Variants in SMARCC1 observed in about 807,000 individuals in gnomAD.
SMARCC1 encodes the protein SWI/SNF complex subunit SMARCC1.
Under a neutral mutation model 147.4 loss-of-function variants are expected in SMARCC1, and 43 were observed. The observed-to-expected ratio is 0.29, with a 90% confidence interval of 0.23 to 0.38. The LOEUF is 0.38. Among genes scored for constraint, SMARCC1 ranks in the 10% least tolerant of loss-of-function variants. SMARCC1 has a pLI of 1.00. For missense variants in SMARCC1, 1,119 were observed against 1,381.1 expected (o/e 0.81, Z 3.01); for synonymous variants, 495 against 484.4 (o/e 1.02, Z -0.29).
chr3:47,589,299 G>T (rs761370061), intron 27 of SMARCC1, among the ~76,000 whole-genome samples: 1 of 152,160 alleles, frequency 6.6e-6, no homozygotes, highest in Non-Finnish European at 1.5e-5. Flanking sequence ...AGGTGGGAAG[G>T]TTCCACCTGA....
At chr3:47,620,229 G>A (rs2032707188) in intron 25 of SMARCC1, among the ~76,000 whole-genome samples, 1 of 152,126 alleles carries the variant, frequency 6.6e-6, no homozygotes, top group South Asian at 2.1e-4. Context: ...TTGGGAGGCT[G>A]AGGCAGGCAG....
At chr3:47,640,777 A>G (rs564777444) in intron 21 of SMARCC1, among the ~76,000 whole-genome samples, 4 of 152,310 alleles carry the variant, frequency 2.6e-5, no homozygotes, top group Admixed American at 2.6e-4. Flanking sequence ...ACAACGGATA[A>G]GAAATATTAG....
chr3:47,764,623 A>G (rs1269426970), intron 2 of SMARCC1, among the ~76,000 whole-genome samples: 1 of 152,136 alleles, frequency 6.6e-6, no homozygotes, highest in African/African-American at 2.4e-5. Context: ...TCTCCAGCAC[A>G]GCAGCCCATA....
At chr3:47,772,338 C>T (rs116303584) in intron 2 of SMARCC1, among the ~76,000 whole-genome samples, 1,569 of 151,120 alleles carry the variant, frequency 0.01, 24 homozygotes, top group African/African-American at 0.036. Context: ...GGCTGCAGTG[C>T]GCTGTGATCA....
At chr3:47,714,091 C>A (rs751610225) in intron 8 of SMARCC1, among the ~76,000 whole-genome samples, 1 of 152,210 alleles carries the variant, frequency 6.6e-6, no homozygotes, top group East Asian at 1.9e-4. Flanking sequence ...TGGCCAGGCA[C>A]GATGGCTTAC....
chr3:47,698,419 T>C lies in SMARCC1; in HGVS notation c.1165+2859A>G, dbSNP rs78793812. 5.1e-3 allele frequency among the ~76,000 whole-genome samples: 779 copies of C among 152,186 alleles called. 2 individuals carry two copies. The highest frequency in any genetic ancestry group is 0.027 in the Middle Eastern group (8 of 294). ...AAAATGTCTGCTTTCTAAACCGCTA[T>C]TGAAAATTACAGTGGAGGTATAATA... On this transcript the variant is annotated intron_variant, in intron 11 of 27. Transcript: ENST00000254480.
At chr3:47,661,536 C>A in intron 20 of SMARCC1, 81 bp from the exon 21 acceptor site, 1 of 1,127,574 alleles carries the variant, frequency 8.9e-7, no homozygotes, top group Non-Finnish European at 1.3e-6. Flanking sequence ...CCAGGAAACC[C>A]AACACAGTAT....
intron 1 of SMARCC1, among the ~76,000 whole-genome samples, chr3:47,781,349 G>C (rs1461888484): frequency 2.0e-5 from 3 of 152,238 alleles, no homozygotes; most frequent in African/African-American, 7.2e-5. Flanking sequence ...AGCTCGACCT[G>C]CTCTGGCACA....
chr3:47,634,845 G>A (rs1296460280), intron 24 of SMARCC1, among the ~76,000 whole-genome samples: 1 of 152,142 alleles, frequency 6.6e-6, no homozygotes, highest in East Asian at 1.9e-4. Context: ...TTTCAATCTG[G>A]TAGAAATTAT....
At chr3:47,605,995 T>TA (rs141367577) in intron 26 of SMARCC1, among the ~76,000 whole-genome samples, 12,699 of 130,908 alleles carry the variant, frequency 0.097, 652 homozygotes, top group Non-Finnish European at 0.14. Context: ...ATAAAGGAAG[T>TA]AAAAAAAAAA....
intron 6 of SMARCC1, among the ~76,000 whole-genome samples, chr3:47,728,391 A>G (rs2034326434): frequency 6.6e-6 from 1 of 151,974 alleles, no homozygotes; most frequent in Non-Finnish European, 1.5e-5. Context: ...TCCAGCCCTC[A>G]TTAGTCTAAG....
At chr3:47,693,631 A>G (rs1356962075) in intron 11 of SMARCC1, among the ~76,000 whole-genome samples, 2 of 152,112 alleles carry the variant, frequency 1.3e-5, no homozygotes, top group Non-Finnish European at 2.9e-5. Context: ...TAATCCATTC[A>G]TTCTTTTAAA....
chr3:47,602,129 T>C (rs1183494614), intron 26 of SMARCC1, among the ~76,000 whole-genome samples: 2 of 152,038 alleles, frequency 1.3e-5, no homozygotes, highest in African/African-American at 4.8e-5. Context: ...GTGAGGGGCT[T>C]AAAAAGCCAA....
Position 47,661,279 on chromosome 3 carries a change from G to T in SMARCC1, c.2320+15C>A. 1 of 1,595,962 alleles carries T rather than the reference G, an allele frequency of 6.3e-7. No homozygotes were observed. The highest frequency in any genetic ancestry group is 8.5e-7 in the Non-Finnish European group (1 of 1,173,442). ...CATATATTAACCCTGTCCCTTAAAA[G>T]CAGCAGTGACTCACCAAGCTTCTCT... On this transcript the variant is annotated intron_variant, in intron 21 of 27. Coordinates refer to ENST00000254480, the MANE Select transcript of SMARCC1 (RefSeq NM_003074.4).
intron 13 of SMARCC1, among the ~76,000 whole-genome samples, chr3:47,688,559 G>A (rs971815491): frequency 5.9e-5 from 9 of 152,022 alleles, no homozygotes; most frequent in African/African-American, 1.9e-4. Flanking sequence ...TAAACAAGAC[G>A]CCGTTTATTT....
At chr3:47,631,373 A>C (rs2032888279) in intron 24 of SMARCC1, among the ~76,000 whole-genome samples, 1 of 152,194 alleles carries the variant, frequency 6.6e-6, no homozygotes, top group Non-Finnish European at 1.5e-5. Context: ...AGAAAATGTG[A>C]TCTCTGCTTT....
intron 27 of SMARCC1, among the ~76,000 whole-genome samples, chr3:47,588,703 G>GCC (rs544157096): frequency 0.026 from 1,267 of 48,356 alleles, 19 homozygotes; most frequent in African/African-American, 0.066. Flanking sequence ...TTTTCTTCCC[G>GCC]CCCCCCCCCC....
intron 24 of SMARCC1, among the ~76,000 whole-genome samples, chr3:47,627,774 G>A (rs1447556571): frequency 6.6e-6 from 1 of 152,148 alleles, no homozygotes; most frequent in African/African-American, 2.4e-5. Context: ...AGGATGAAGT[G>A]CACCAGTGAG....
At chr3:47,738,987 T>TGTG (rs1452539820) in intron 3 of SMARCC1, among the ~76,000 whole-genome samples, 1 of 152,236 alleles carries the variant, frequency 6.6e-6, no homozygotes, top group South Asian at 2.1e-4. Flanking sequence ...CCAATGTCTC[T>TGTG]TTACATTAAG....
Sources: allele counts gnomAD v4.1 joint callset (sites outside exome capture counted in the v4.1 genomes callset), GRCh38; gene constraint gnomAD v4.1.1; transcripts MANE v1.5; gene names NCBI Gene and HGNC (gene_info 2026-07-23, HGNC 2026-07-21).